Variants in NCOA7 observed in about 807,000 individuals in gnomAD.
NCOA7 encodes 140 kDa estrogen receptor-associated protein.
A neutral mutation model predicts 104.3 loss-of-function variants in NCOA7; 45 were observed. The ratio of observed to expected loss-of-function variants is 0.43; its 90% CI spans 0.34 to 0.55. NCOA7 has a LOEUF of 0.55. Among genes scored for constraint, NCOA7 ranks in the 20% least tolerant of loss-of-function variants. The pLI is 0.02. For missense variants in NCOA7, 1,041 were observed against 1,119.7 expected, an observed-to-expected ratio of 0.93 and a Z score of 1.00; for synonymous variants, 398 against 402.3, an observed-to-expected ratio of 0.99 and a Z score of 0.13.
chr6:125,907,147 T>C (rs1786085706), intron 10 of NCOA7, among the ~76,000 whole-genome samples: 1 of 152,194 alleles, frequency 6.6e-6, no homozygotes, highest in African/African-American at 2.4e-5. Context: ...GGGCCCTGTC[T>C]ACGTGAGAGA....
intron 10 of NCOA7, among the ~76,000 whole-genome samples, chr6:125,908,689 A>G (rs1786254746): frequency 6.6e-6 from 1 of 152,178 alleles, no homozygotes; most frequent in Non-Finnish European, 1.5e-5. Flanking sequence ...GGTCTTCATC[A>G]AACAGGGTGT....
At chr6:125,790,625 G>GCCT (rs1774738279), upstream of NCOA7, 1 of 114,066 alleles carries the variant, frequency 8.8e-6, no homozygotes, top group Non-Finnish European at 1.9e-5. Context: ...AGCCCGGCGC[G>GCCT]AGCTCCCAGG....
At chr6:125,800,640 T>C (rs1775797307) in intron 1 of NCOA7, among the ~76,000 whole-genome samples, 2 of 152,254 alleles carry the variant, frequency 1.3e-5, no homozygotes, top group Non-Finnish European at 2.9e-5. Context: ...TACATAACTC[T>C]GCATGGATGA....
intron 2 of NCOA7, among the ~76,000 whole-genome samples, chr6:125,854,019 A>G (rs1448973510): frequency 6.6e-6 from 1 of 152,202 alleles, no homozygotes; most frequent in Non-Finnish European, 1.5e-5. Context: ...GTCCTTATCC[A>G]TTGCCCAACA....
intron 2 of NCOA7, among the ~76,000 whole-genome samples, chr6:125,850,154 C>T: frequency 6.6e-6 from 1 of 152,138 alleles, no homozygotes; most frequent in Non-Finnish European, 1.5e-5. Flanking sequence ...AGGTTGGCAG[C>T]TATTCTCCTT....
Position 125,927,754 on chromosome 6 carries a change from T to C in NCOA7, c.2615T>C (p.Phe872Ser). 6.2e-7 allele frequency: 1 copy of C among 1,610,366 alleles called. No homozygotes were observed. Among genetic ancestry groups the C allele is most frequent in the Non-Finnish European group, 8.5e-7 (1 of 1,176,518 alleles). Reference sequence around the variant, plus strand: ...TTTCTCTACACATTCAGCCCTCATTTTAAGGTACCTAGATAGGAGAAATAT... The same window carrying C: ...TTTCTCTACACATTCAGCCCTCATTCTAAGGTACCTAGATAGGAGAAATAT... ...ETFLYTFSPH[F>S]KVFKWSGENS... The change falls in exon 14 of 16, where the codon TTT becomes TCT. Residue 872 changes from phenylalanine (F) to serine (S), a missense_variant. By Grantham distance (155) the Phe-to-Ser change is radical. Transcript: ENST00000392477.
At chr6:125,808,965 T>G (rs1776712904) in intron 1 of NCOA7, among the ~76,000 whole-genome samples, 1 of 152,178 alleles carries the variant, frequency 6.6e-6, no homozygotes, top group Non-Finnish European at 1.5e-5. Context: ...AATAATGGAA[T>G]AGGAGTTGAT....
upstream of NCOA7, among the ~76,000 whole-genome samples, chr6:125,790,272 G>A (rs568041905): frequency 5.9e-5 from 9 of 152,366 alleles, no homozygotes; most frequent in South Asian, 1.9e-3. Flanking sequence ...TAAAGCTGGG[G>A]AAAAGCTCTA....
intron 10 of NCOA7, among the ~76,000 whole-genome samples, chr6:125,901,968 T>C (rs1174233789): frequency 6.6e-5 from 10 of 152,200 alleles, no homozygotes; most frequent in African/African-American, 7.2e-5. Flanking sequence ...TATTCTCCAA[T>C]GTCCAGCTGC....
intron 3 of NCOA7, among the ~76,000 whole-genome samples, chr6:125,864,559 A>G (rs1782293808): frequency 7.4e-6 from 1 of 135,050 alleles, no homozygotes; most frequent in South Asian, 2.2e-4. Flanking sequence ...ACGTGATAGT[A>G]TCAGGAGGTG....
chr6:125,783,932 T>C (rs898214074), intron 1 of NCOA7, among the ~76,000 whole-genome samples: 3 of 152,236 alleles, frequency 2.0e-5, no homozygotes, highest in African/African-American at 7.2e-5. Context: ...TGTATAGATA[T>C]CTTACTAAAG....
At chr6:125,841,851 G>A (rs1780204905) in intron 2 of NCOA7, among the ~76,000 whole-genome samples, 1 of 152,096 alleles carries the variant, frequency 6.6e-6, no homozygotes, top group African/African-American at 2.4e-5. Context: ...CAACTAAATT[G>A]AGAGCATCTG....
chr6:125,797,579 A>G (rs1775457594), intron 1 of NCOA7, among the ~76,000 whole-genome samples: 1 of 152,204 alleles, frequency 6.6e-6, no homozygotes, highest in African/African-American at 2.4e-5. Context: ...CTACACAAAC[A>G]TTGAATTTAT....
chr6:125,904,598 C>G (rs1785801564), intron 10 of NCOA7, among the ~76,000 whole-genome samples: 1 of 152,132 alleles, frequency 6.6e-6, no homozygotes, highest in Non-Finnish European at 1.5e-5. Flanking sequence ...AACCATGGCC[C>G]CTGGGAAGCC....
intron 3 of NCOA7, among the ~76,000 whole-genome samples, chr6:125,874,189 G>A (rs962233027): frequency 6.6e-6 from 1 of 152,184 alleles, no homozygotes; most frequent in African/African-American, 2.4e-5. Context: ...GCCGGACATG[G>A]TGGCGCACAC....
At chr6:125,851,295 T>A (rs780037552) in intron 2 of NCOA7, among the ~76,000 whole-genome samples, 1 of 152,178 alleles carries the variant, frequency 6.6e-6, no homozygotes, top group Non-Finnish European at 1.5e-5. Context: ...TATCATACTA[T>A]ATGTTTTTGC....
In NCOA7 at chr6:125,801,731, T is replaced by G. The variant is rs55895251; in HGVS notation, c.-65+10664T>G. On this transcript the variant is annotated intron_variant, in intron 1 of 15. Transcript: ENST00000392477. ...GCTCCAAGTGTGGCCTGTGTCTACA[T>G]GGCATTCTCCTTTTGTGTCTCTATC... Among the ~76,000 whole-genome samples the G allele has an allele frequency of 9.1e-3, 1,386 of 152,288 alleles. 13 individuals carry two copies. The highest frequency in any genetic ancestry group is 0.032 in the African/African-American group (1,311 of 41,552).
chr6:125,825,117 T>C (rs931044468), intron 2 of NCOA7, among the ~76,000 whole-genome samples: 6 of 140,826 alleles, frequency 4.3e-5, no homozygotes, highest in African/African-American at 1.6e-4. Flanking sequence ...GTGGGAGGAG[T>C]GCTAGATACC....
chr6:125,918,308 A>G (rs886950359), intron 11 of NCOA7, among the ~76,000 whole-genome samples: 1 of 152,192 alleles, frequency 6.6e-6, no homozygotes, highest in Non-Finnish European at 1.5e-5. Context: ...ATAGGAAATA[A>G]TAAATGTCCG....
Sources: allele counts gnomAD v4.1 joint callset (sites outside exome capture counted in the v4.1 genomes callset), GRCh38; gene constraint gnomAD v4.1.1; transcripts MANE v1.5; gene names NCBI Gene and HGNC (gene_info 2026-07-23, HGNC 2026-07-21).